Variants in ZFPM2 observed in about 807,000 individuals in gnomAD.
ZFPM2 encodes zinc finger protein ZFPM2.
In ZFPM2, 20 loss-of-function variants were observed where a neutral mutation model predicts 98.6. That is an observed-to-expected ratio of 0.20 (90% CI 0.14 to 0.29). The LOEUF (loss-of-function observed/expected upper bound fraction) is 0.29, where lower values mean the gene tolerates loss of function less well. Ranked by LOEUF, ZFPM2 falls within the 10% of genes least tolerant of loss-of-function variation. The pLI is 1.00. For missense variants in ZFPM2, 1,310 were observed against 1,388.6 expected (o/e 0.94, Z 0.90); for synonymous variants, 518 against 502.7 (o/e 1.03, Z -0.41).
intron 2 of ZFPM2, among the ~76,000 whole-genome samples, chr8:105,427,417 T>C (rs1325678137): frequency 1.3e-5 from 2 of 152,236 alleles, no homozygotes; most frequent in Non-Finnish European, 2.9e-5. Flanking sequence ...TTCATTGTTC[T>C]TTCTGTGAGC....
intron 1 of ZFPM2, among the ~76,000 whole-genome samples, chr8:105,394,094 C>G (rs1296056121): frequency 6.6e-6 from 1 of 151,942 alleles, no homozygotes; most frequent in Non-Finnish European, 1.5e-5. Flanking sequence ...GGGGTTTCAC[C>G]GTGTTAGCCA....
intron 1 of ZFPM2, among the ~76,000 whole-genome samples, chr8:105,344,433 A>G (rs1445832910): frequency 2.0e-5 from 3 of 152,178 alleles, no homozygotes; most frequent in Non-Finnish European, 4.4e-5. Context: ...CCACTTTGAC[A>G]TTCCTTCTGC....
chr8:105,594,233 T>C (rs1442255489), intron 4 of ZFPM2, among the ~76,000 whole-genome samples: 1 of 152,112 alleles, frequency 6.6e-6, no homozygotes, highest in Non-Finnish European at 1.5e-5. Context: ...TAACTCTTCA[T>C]GTGGTTGTTG....
chr8:105,766,212 G>C (rs534466729), intron 5 of ZFPM2, among the ~76,000 whole-genome samples: 32 of 152,010 alleles, frequency 2.1e-4, no homozygotes, highest in African/African-American at 7.5e-4. Context: ...TTTATGAAAA[G>C]TCCTGTTTTT....
rs571018465 is a variant in ZFPM2, at chr8:105,418,640, T to C, written c.41-504T>C. The C allele has an allele frequency of 1.2e-4, 60 of 516,960 alleles. 1 individual carries two copies. Among genetic ancestry groups the C allele is most frequent in the South Asian group, 8.2e-4 (58 of 71,066 alleles). 32.0% of individuals were successfully genotyped at this position (516,960 alleles called of 1,614,324 possible). On this transcript the variant is annotated intron_variant, in intron 1 of 7. Transcript: ENST00000407775. ...TTCTTCAAGCCTCAAACACATATAA[T>C]GAAATCTTTTCTCAGAATCCACTCT...
At chr8:105,612,530 A>G (rs985847550) in intron 4 of ZFPM2, among the ~76,000 whole-genome samples, 30 of 152,328 alleles carry the variant, frequency 2.0e-4, no homozygotes, top group Admixed American at 1.7e-3. Context: ...GATTCCCTGT[A>G]TTTAATCATT....
intron 4 of ZFPM2, among the ~76,000 whole-genome samples, chr8:105,598,980 A>T (rs1232514171): frequency 5.3e-5 from 8 of 152,188 alleles, no homozygotes; most frequent in Non-Finnish European, 8.8e-5. Context: ...TGATTAAATG[A>T]GTCTATTCCT....
chr8:105,795,301 G>T (rs1275702045), intron 6 of ZFPM2, among the ~76,000 whole-genome samples: 3 of 147,418 alleles, frequency 2.0e-5, no homozygotes, highest in Non-Finnish European at 3.0e-5. Context: ...TGTCCTGGGA[G>T]TGTAGAAAGA....
At chr8:105,497,791 A>G (rs1247834788) in intron 3 of ZFPM2, among the ~76,000 whole-genome samples, 7 of 152,122 alleles carry the variant, frequency 4.6e-5, no homozygotes, top group African/African-American at 1.7e-4. Flanking sequence ...TGTTTAGGAA[A>G]TTGAGTGACA....
intron 1 of ZFPM2, among the ~76,000 whole-genome samples, chr8:105,345,558 C>T (rs1175004584): frequency 3.3e-5 from 5 of 149,396 alleles, no homozygotes; most frequent in Non-Finnish European, 5.9e-5. Flanking sequence ...CTTCCTTAAA[C>T]GTATGGAAGC....
chr8:105,468,517 A>G (rs1478584564), intron 3 of ZFPM2, among the ~76,000 whole-genome samples: 4 of 152,040 alleles, frequency 2.6e-5, no homozygotes, highest in African/African-American at 7.2e-5. Context: ...CTTCATTTTC[A>G]GTAGTACTCA....
At chr8:105,758,259 G>A (rs1380571182) in intron 5 of ZFPM2, among the ~76,000 whole-genome samples, 1 of 152,058 alleles carries the variant, frequency 6.6e-6, no homozygotes, top group Non-Finnish European at 1.5e-5. Flanking sequence ...CACAAATTAT[G>A]GGATCAATGA....
intron 4 of ZFPM2, among the ~76,000 whole-genome samples, chr8:105,590,982 T>C (rs1407498469): frequency 2.6e-5 from 4 of 152,244 alleles, no homozygotes; most frequent in Non-Finnish European, 4.4e-5. Context: ...AAGGTTATTA[T>C]AAGTATTTAT....
At chr8:105,726,795 A>G (rs1166643541) in intron 5 of ZFPM2, among the ~76,000 whole-genome samples, 1 of 151,746 alleles carries the variant, frequency 6.6e-6, no homozygotes, top group African/African-American at 2.4e-5. Flanking sequence ...CTAAAACATC[A>G]TGATGGAAGG....
intron 5 of ZFPM2, among the ~76,000 whole-genome samples, chr8:105,769,975 A>G (rs949603278): frequency 2.0e-5 from 3 of 152,066 alleles, no homozygotes; most frequent in African/African-American, 7.2e-5. Flanking sequence ...CTTTTCTTAT[A>G]TGTGTTAAAA....
intron 1 of ZFPM2, among the ~76,000 whole-genome samples, chr8:105,329,988 A>T (rs1026705659): frequency 1.4e-4 from 22 of 151,748 alleles, no homozygotes; most frequent in Admixed American, 5.3e-4. Context: ...ATGATAGAAA[A>T]ATGTTGTAGA....
At chr8:105,680,365 C>G (rs1810574463) in intron 5 of ZFPM2, among the ~76,000 whole-genome samples, 1 of 152,154 alleles carries the variant, frequency 6.6e-6, no homozygotes, top group Non-Finnish European at 1.5e-5. Context: ...AAATAGCAAT[C>G]AGAAAATTCT....
At chr8:105,633,860 G>T (rs572318809) in intron 4 of ZFPM2, among the ~76,000 whole-genome samples, 2 of 152,214 alleles carry the variant, frequency 1.3e-5, no homozygotes, top group East Asian at 3.9e-4. Flanking sequence ...TCTGTTTCAG[G>T]AAATAGTGAG....
chr8:105,789,978 G>T (rs1323815158), intron 6 of ZFPM2, among the ~76,000 whole-genome samples: 3 of 151,800 alleles, frequency 2.0e-5, no homozygotes, highest in Admixed American at 6.6e-5. Context: ...GTAGATTCTG[G>T]ATATTAGCCC....
Sources: gnomAD v4.1 joint callset for allele counts (sites outside exome capture counted in the v4.1 genomes callset) on GRCh38, gnomAD v4.1.1 for gene constraint, MANE v1.5 for transcripts, NCBI Gene and HGNC (gene_info 2026-07-23, HGNC 2026-07-21) for gene names.